ERC2: variants seen among roughly 807,000 people sequenced by gnomAD.
ERC2 encodes the protein ELKS/RAB6-interacting/CAST family member 2, also known as ERC protein 2.
ERC2 carries 42 observed loss-of-function variants against 114.8 expected under a neutral mutation model. That is an observed-to-expected ratio of 0.37 (90% CI 0.29 to 0.47). ERC2 has a LOEUF of 0.47. Among genes scored for constraint, ERC2 ranks in the 20% least tolerant of loss-of-function variants. The pLI is 0.99. For synonymous variants in ERC2, 454 were observed against 425.5 expected, an observed-to-expected ratio of 1.07 and a Z score of -0.82; for missense variants, 939 against 1,150.7, an observed-to-expected ratio of 0.82 and a Z score of 2.66.
chr3:56,003,194 A>G, intron 10 of ERC2: 1 of 1,231,646 alleles, frequency 8.1e-7, no homozygotes, highest in East Asian at 5.8e-5. Context: ...AAAGATCCAG[A>G]AAAACAGCAT....
At chr3:55,568,317 G>GGTTA (rs1312480231) in intron 17 of ERC2, among the ~76,000 whole-genome samples, 2 of 152,130 alleles carry the variant, frequency 1.3e-5, no homozygotes, top group Non-Finnish European at 2.9e-5. Flanking sequence ...GGACCCATGT[G>GGTTA]GTCTAAGCTC....
chr3:55,849,467 G>A (rs2061488673), intron 14 of ERC2, among the ~76,000 whole-genome samples: 1 of 152,094 alleles, frequency 6.6e-6, no homozygotes, highest in Non-Finnish European at 1.5e-5. Context: ...CTGTCTCCAG[G>A]TTAACATCCT....
At chr3:56,391,846 T>C (rs1560734891) in intron 2 of ERC2, among the ~76,000 whole-genome samples, 2 of 152,152 alleles carry the variant, frequency 1.3e-5, no homozygotes, top group Admixed American at 1.3e-4. Flanking sequence ...AAAATACCTA[T>C]GGGCTTTAGG....
intron 2 of ERC2, among the ~76,000 whole-genome samples, chr3:56,328,628 T>C (rs948672816): frequency 6.6e-6 from 1 of 152,196 alleles, no homozygotes; most frequent in Non-Finnish European, 1.5e-5. Flanking sequence ...TCAAGTAACC[T>C]TTACCAAGCC....
At chr3:56,198,053 C>T (rs1022522696) in intron 3 of ERC2, among the ~76,000 whole-genome samples, 1 of 151,994 alleles carries the variant, frequency 6.6e-6, no homozygotes, top group Non-Finnish European at 1.5e-5. Context: ...TGCATGCATA[C>T]AAATGGATGA....
chr3:55,749,623 T>C (rs1158208271), intron 14 of ERC2, among the ~76,000 whole-genome samples: 1 of 152,046 alleles, frequency 6.6e-6, no homozygotes, highest in East Asian at 1.9e-4. Context: ...AACACACCAA[T>C]CAGCAGGATT....
At chr3:55,794,935 C>G (rs1330058576) in intron 14 of ERC2, among the ~76,000 whole-genome samples, 2 of 152,148 alleles carry the variant, frequency 1.3e-5, no homozygotes, top group African/African-American at 2.4e-5. Context: ...ATGTCATTTT[C>G]ACTTTGCTTC....
chr3:56,277,481 AC>A (rs1473875081), intron 3 of ERC2, among the ~76,000 whole-genome samples: 3 of 152,018 alleles, frequency 2.0e-5, no homozygotes. Flanking sequence ...ATTAGAAATG[AC>A]CCTGTCCCCA....
chr3:55,748,749 A>C (rs1039624374), intron 14 of ERC2, among the ~76,000 whole-genome samples: 1 of 152,186 alleles, frequency 6.6e-6, no homozygotes, highest in African/African-American at 2.4e-5. Context: ...CCGAATGCCT[A>C]GTATAATCCA....
At chr3:56,259,876 A>G (rs185725193) in intron 3 of ERC2, among the ~76,000 whole-genome samples, 3 of 152,220 alleles carry the variant, frequency 2.0e-5, no homozygotes, top group Non-Finnish European at 2.9e-5. Context: ...AGGTAAATTC[A>G]AGAGCTATGG....
intron 17 of ERC2, among the ~76,000 whole-genome samples, chr3:55,647,845 C>G (rs781448823): frequency 3.3e-5 from 5 of 152,212 alleles, no homozygotes; most frequent in African/African-American, 9.6e-5. Context: ...AGGCACAAAC[C>G]CAGCAAGCTG....
At chr3:56,185,432 C>A (rs1156449418) in intron 3 of ERC2, among the ~76,000 whole-genome samples, 2 of 152,180 alleles carry the variant, frequency 1.3e-5, no homozygotes, top group Non-Finnish European at 2.9e-5. Context: ...TCTCATTTTG[C>A]AAGCCCACTA....
At chr3:56,232,846 G>T (rs1038893061) in intron 3 of ERC2, among the ~76,000 whole-genome samples, 1 of 152,142 alleles carries the variant, frequency 6.6e-6, no homozygotes, top group Non-Finnish European at 1.5e-5. Flanking sequence ...TTCCTCAAGA[G>T]CACCAGGGCC....
intron 4 of ERC2, among the ~76,000 whole-genome samples, chr3:56,166,106 G>A (rs568516009): frequency 6.6e-6 from 1 of 152,072 alleles, no homozygotes; most frequent in African/African-American, 2.4e-5. Flanking sequence ...GCCATGGATG[G>A]ATGTTGCATT....
At chr3:56,303,370 T>C (rs532348414) in intron 2 of ERC2, among the ~76,000 whole-genome samples, 2 of 152,312 alleles carry the variant, frequency 1.3e-5, no homozygotes, top group Non-Finnish European at 2.9e-5. Context: ...AAATGACTCA[T>C]CTGTGCATTA....
At chr3:56,022,237 A>C (rs1223520534) in intron 7 of ERC2, among the ~76,000 whole-genome samples, 1 of 152,258 alleles carries the variant, frequency 6.6e-6, no homozygotes, top group African/African-American at 2.4e-5. Flanking sequence ...AAAAGAAAAA[A>C]TTATTGCATA....
intron 17 of ERC2, among the ~76,000 whole-genome samples, chr3:55,647,735 G>A (rs1161568281): frequency 1.3e-5 from 2 of 152,190 alleles, no homozygotes; most frequent in African/African-American, 2.4e-5. Context: ...TGGGAGGTAC[G>A]TCTGCTTGGG....
intron 13 of ERC2, among the ~76,000 whole-genome samples, chr3:55,899,542 G>A: frequency 6.6e-6 from 1 of 151,976 alleles, no homozygotes; most frequent in East Asian, 1.9e-4. Flanking sequence ...TGATTTAAAA[G>A]TGTTACAAAG....
At chr3:55,535,415 T>C (rs2053936699) in intron 17 of ERC2, among the ~76,000 whole-genome samples, 1 of 152,152 alleles carries the variant, frequency 6.6e-6, no homozygotes, top group Non-Finnish European at 1.5e-5. Flanking sequence ...AGAGAAAGGC[T>C]GTGGGTGGGT....
Sources: allele counts gnomAD v4.1 joint callset (sites outside exome capture counted in the v4.1 genomes callset), GRCh38; gene constraint gnomAD v4.1.1; transcripts MANE v1.5; gene names NCBI Gene and HGNC (gene_info 2026-07-23, HGNC 2026-07-21).